WDR64: variants seen among roughly 807,000 people sequenced by gnomAD.
WDR64 encodes the protein WD repeat domain 64.
Under a neutral mutation model 139.3 loss-of-function variants are expected in WDR64, and 112 were observed. The observed-to-expected ratio is 0.80, with a 90% CI of 0.69 to 0.94. The LOEUF is 0.94. Among genes scored for constraint, WDR64 ranks in the 40% least tolerant of loss-of-function variants. WDR64 has a pLI of 0.00. For synonymous variants in WDR64, 444 were observed against 437.7 expected (o/e 1.01, Z -0.18); for missense variants, 1,206 against 1,293.1 (o/e 0.93, Z 1.03).
At chr1:241,664,756 A>G (rs1665965958) in intron 2 of WDR64, among the ~76,000 whole-genome samples, 1 of 152,126 alleles carries the variant, frequency 6.6e-6, no homozygotes, top group Non-Finnish European at 1.5e-5. Context: ...TAGCCACGCA[A>G]TGTAGATTAT....
chr1:241,764,498 A>T lies in WDR64; in HGVS notation c.1948-1720A>T, dbSNP rs184939698. On this transcript the variant is annotated intron_variant, in intron 15 of 27. Transcript: ENST00000437684. ...GCCCCATCTCTACAAAAAAATTTTT[A>T]AAAATTTAAAAAAATTATTTGGGTG... is the stretch of plus-strand genomic sequence containing the variant. 5.8e-3 allele frequency among the ~76,000 whole-genome samples: 795 copies of T among 136,534 alleles called. 11 individuals carry two copies. Among genetic ancestry groups the T allele is most frequent in the African/African-American group, 0.019 (756 of 40,420 alleles). The allele number at this position is 136,534 out of a possible 152,430, so 89.6% of individuals were successfully genotyped here. A position where few individuals can be genotyped will look rare whatever the true frequency, so the allele number is the denominator to read the frequency against.
At chr1:241,770,430 A>G (rs1658385370) in intron 17 of WDR64, 191 bp from the exon 18 acceptor site, 1 of 479,430 alleles carries the variant, frequency 2.1e-6, no homozygotes, top group Admixed American at 4.0e-5. Flanking sequence ...GCTCCCCAAG[A>G]GTCTCCACCA....
At chr1:241,762,302 A>G (rs1657950336) in intron 15 of WDR64, among the ~76,000 whole-genome samples, 2 of 140,522 alleles carry the variant, frequency 1.4e-5, no homozygotes, top group African/African-American at 6.1e-5. Flanking sequence ...TTTTGAAAGG[A>G]ATCTTTTTTT....
In WDR64 at chr1:241,723,373, C is replaced by T; in HGVS notation, c.1131C>T (p.Phe377=). Residue 377 remains phenylalanine (F), a synonymous_variant, in exon 10 of 28, where the codon TTC becomes TTT. Transcript: ENST00000437684. ...KPVGKLVGHM[F]SIAEIVTNEK... ...TAGGGAAACTTGTAGGACACATGTT[C>T]AGTATCGCCGAGATCGTAACCAATG... is the stretch of plus-strand genomic sequence containing the variant. 1 of 1,614,030 alleles carries T rather than the reference C, an allele frequency of 6.2e-7. No individual in the cohort carries two copies. Among genetic ancestry groups the T allele is most frequent in the South Asian group, 1.1e-5 (1 of 91,066 alleles).
rs140679971 is a variant in WDR64 at position 241,729,315 on chromosome 1, C to T, written c.1194+5879C>T. Among the ~76,000 whole-genome samples, 185 of 152,322 alleles carry T rather than the reference C, an allele frequency of 1.2e-3. 2 individuals carry two copies. The Middle Eastern group carries it at 0.014, about 11-fold the overall frequency. ...AAAGCACTTGTAGACCTCTTATCTT[C>T]AGTTTCTTCTCTCCCCAAACCATCC... On this transcript the variant is annotated intron_variant, in intron 10 of 27. Transcript: ENST00000437684.
chr1:241,798,779 T>C (rs1320192899), intron 27 of WDR64, among the ~76,000 whole-genome samples: 1 of 152,214 alleles, frequency 6.6e-6, no homozygotes, highest in Non-Finnish European at 1.5e-5. Flanking sequence ...TATTTTGACT[T>C]ACTATTTTTA....
intron 5 of WDR64, 144 bp downstream of exon 5, chr1:241,678,360 G>A: frequency 2.6e-6 from 1 of 390,730 alleles, no homozygotes; most frequent in Non-Finnish European, 4.5e-6. Flanking sequence ...TTACTGACTA[G>A]GATCAAACCT....
intron 13 of WDR64, among the ~76,000 whole-genome samples, chr1:241,745,006 C>A (rs1446174097): frequency 2.0e-5 from 3 of 152,186 alleles, no homozygotes; most frequent in Non-Finnish European, 2.9e-5. Flanking sequence ...ATGTTCCATG[C>A]CAAACTTGAG....
intron 18 of WDR64, among the ~76,000 whole-genome samples, chr1:241,771,131 A>G (rs1304748154): frequency 1.3e-5 from 2 of 152,182 alleles, no homozygotes; most frequent in Non-Finnish European, 2.9e-5. Flanking sequence ...ATATATTTTT[A>G]TGCTTTACAT....
intron 10 of WDR64, among the ~76,000 whole-genome samples, chr1:241,736,187 C>T (rs1254577510): frequency 1.3e-5 from 2 of 152,116 alleles, no homozygotes; most frequent in Non-Finnish European, 2.9e-5. Context: ...CTGCCACTGC[C>T]TGCTCCAGAC....
At chr1:241,761,200 G>A (rs1233007685) in intron 15 of WDR64, among the ~76,000 whole-genome samples, 3 of 152,070 alleles carry the variant, frequency 2.0e-5, no homozygotes, top group African/African-American at 4.8e-5. Context: ...ACAAGTGAGA[G>A]CAAAATGAGA....
chr1:241,724,134 C>T (rs554935855), intron 10 of WDR64, among the ~76,000 whole-genome samples: 1 of 152,066 alleles, frequency 6.6e-6, no homozygotes, highest in Non-Finnish European at 1.5e-5. Context: ...TGAAGTTTTA[C>T]TGTGTTTAAG....
Position 241,752,181 on chromosome 1 carries a change from T to C in WDR64, c.1770+2459T>C, listed in dbSNP as rs899484729. On this transcript the variant is annotated intron_variant, in intron 14 of 27. Coordinates refer to ENST00000437684, the MANE Select transcript of WDR64 (RefSeq NM_001367482.1). Reference sequence around the variant, plus strand: ...TAACATAATAATGCTCTTAGCATTATATGAACTGCTGTTTTCCTAATCAAT... The same window carrying C: ...TAACATAATAATGCTCTTAGCATTACATGAACTGCTGTTTTCCTAATCAAT... 5.3e-5 allele frequency among the ~76,000 whole-genome samples: 8 copies of C among 152,242 alleles called. No individual in the cohort carries two copies. In the East Asian group the frequency reaches 1.3e-3, roughly 26 times the overall value.
chr1:241,717,039 A>T (rs1174918233), intron 9 of WDR64, among the ~76,000 whole-genome samples: 2 of 152,188 alleles, frequency 1.3e-5, no homozygotes, highest in African/African-American at 4.8e-5. Flanking sequence ...GGGATGTCCC[A>T]CCAACATGAT....
At chr1:241,748,965 G>A (rs1242048389) in intron 13 of WDR64, among the ~76,000 whole-genome samples, 3 of 148,938 alleles carry the variant, frequency 2.0e-5, no homozygotes, top group Non-Finnish European at 3.0e-5. Context: ...AAGAAAGAAA[G>A]AAAAAGAAAA....
chr1:241,680,681 A>G (rs554422965), intron 6 of WDR64, among the ~76,000 whole-genome samples: 1 of 152,282 alleles, frequency 6.6e-6, no homozygotes, highest in East Asian at 1.9e-4. Context: ...TTTGTCCTTC[A>G]ACCTGGAGGG....
chr1:241,758,864 A>G (rs1490701004), intron 15 of WDR64, among the ~76,000 whole-genome samples: 5 of 152,152 alleles, frequency 3.3e-5, no homozygotes, highest in Admixed American at 2.6e-4. Flanking sequence ...TTAAAAAACC[A>G]CTACCAGTAG....
chr1:241,766,849 C>T (rs1239241763), intron 16 of WDR64, among the ~76,000 whole-genome samples: 1 of 152,190 alleles, frequency 6.6e-6, no homozygotes, highest in Admixed American at 6.5e-5. Context: ...GTAAGGTGAA[C>T]TGTAAGCATC....
At chr1:241,725,814 C>G (rs376522985) in intron 10 of WDR64, among the ~76,000 whole-genome samples, 55 of 152,098 alleles carry the variant, frequency 3.6e-4, no homozygotes, top group African/African-American at 1.3e-3. Context: ...TTCACTATCC[C>G]CCCACTCCAA....
Sources: allele counts gnomAD v4.1 joint callset (sites outside exome capture counted in the v4.1 genomes callset), GRCh38; gene constraint gnomAD v4.1.1; transcripts MANE v1.5; gene names NCBI Gene and HGNC (gene_info 2026-07-23, HGNC 2026-07-21).